The following FMNL3 variants were observed in gnomAD, a reference collection of about 807,000 sequenced individuals.
FMNL3 encodes formin like 3.
FMNL3 carries 57 observed loss-of-function variants against 119.6 expected under a neutral mutation model. The ratio of observed to expected loss-of-function variants is 0.48; its 90% CI spans 0.39 to 0.59. The LOEUF (loss-of-function observed/expected upper bound fraction) is 0.59, where lower values mean the gene tolerates loss of function less well. FMNL3 is among the 20% of genes least tolerant of loss of function. The probability of loss-of-function intolerance (pLI) is 0.00; values close to 1 mark genes in which losing one functional copy is unlikely to be tolerated. For synonymous variants in FMNL3, 491 were observed against 507.3 expected (o/e 0.97, Z 0.43); for missense variants, 1,053 against 1,323.5 (o/e 0.80, Z 3.17).
chr12:49,650,649 CCAGAGCCAGGTCAGT>C lies in FMNL3; in HGVS notation c.2000+12_2000+26del, dbSNP rs765570267. 4 of 1,611,112 alleles carry C rather than the reference CCAGAGCCAGGTCAGT, an allele frequency of 2.5e-6. No individual in the cohort carries two copies. The African/African-American group carries it at 4.0e-5, about 16-fold the overall frequency. ...AACTGGGTTGCCAACAGACTAGGGA[CCAGAGCCAGGTCAGT>C]GGGAGCCTCACGTATGAATGGCCCT... On this transcript the variant is annotated intron_variant, in intron 17 of 25. Transcript: ENST00000335154.
chr12:49,691,111 ACTAGTGTGTGATC>A (rs1743150661), intron 1 of FMNL3, among the ~76,000 whole-genome samples: 1 of 152,216 alleles, frequency 6.6e-6, no homozygotes, highest in Non-Finnish European at 1.5e-5. Flanking sequence ...TTTGCCACCT[ACTAGTGTGTGATC>A]CTAGGTGAGC....
Position 49,707,064 on chromosome 12 carries a change from G to C in FMNL3, c.117C>G (p.Ala39=). 6.3e-7 allele frequency: 1 copy of C among 1,584,864 alleles called. No homozygotes were observed. The highest frequency in any genetic ancestry group is 8.6e-7 in the Non-Finnish European group (1 of 1,166,830). The change falls in exon 1 of 26, where the codon GCC becomes GCG. Residue 39 remains alanine (A), a synonymous_variant. Coordinates refer to ENST00000335154, the MANE Select transcript of FMNL3 (RefSeq NM_175736.5). ...TGGGCTCAGCTCTCACCAGCACCAGGGCGAACCTTTCCTCCAGCTCACAGG... is the reference window on the plus strand; with the variant it reads ...TGGGCTCAGCTCTCACCAGCACCAGCGCGAACCTTTCCTCCAGCTCACAGG... ...PEPCELEERF[A]LVLSSMNLPP... is the part of the protein sequence containing the mutation.
Position 49,637,919 on chromosome 12 carries a change from T to A in FMNL3, c.*7896A>T. 1.0e-6 allele frequency: 1 copy of A among 998,446 alleles called. No homozygotes were observed. The highest frequency in any genetic ancestry group is 1.5e-6 in the Non-Finnish European group (1 of 645,798). 61.8% of individuals were successfully genotyped at this position (998,446 alleles called of 1,614,324 possible). On this transcript the variant is annotated 3_prime_UTR_variant, in exon 26 of 26. Transcript: ENST00000335154. ...GATAAGTCCTGTTTTGCAGAAGCAT[T>A]ACAGCTTGGTTCAGCAGATATCTAC...
chr12:49,671,660 C>T (rs1555221136), intron 1 of FMNL3, among the ~76,000 whole-genome samples: 2 of 152,236 alleles, frequency 1.3e-5, no homozygotes, highest in South Asian at 2.1e-4. Context: ...GGAAGCCTCT[C>T]TGCCCTTAGG....
At chr12:49,667,035 G>C (rs77180961) in intron 2 of FMNL3, among the ~76,000 whole-genome samples, 3,926 of 152,114 alleles carry the variant, frequency 0.026, 61 homozygotes, top group East Asian at 0.052. Flanking sequence ...AATACTGAAG[G>C]CTGCATTCAG....
rs1464501057 is a variant in FMNL3 at position 49,640,851 on chromosome 12, G to A, written c.*4964C>T. ...TGGTGGAAAGGATGTTCCAGGTTAG[G>A]TGAGGTGTCTGCTTGATGGAAGGAG... On this transcript the variant is annotated 3_prime_UTR_variant, in exon 26 of 26. Coordinates refer to ENST00000335154, the MANE Select transcript of FMNL3 (RefSeq NM_175736.5). 1.3e-5 allele frequency: 2 copies of A among 152,216 alleles called. No individual in the cohort carries two copies. The highest frequency in any genetic ancestry group is 4.8e-5 in the African/African-American group (2 of 41,442). 9.4% of individuals were successfully genotyped at this position (152,216 alleles called of 1,614,324 possible).
At chr12:49,690,164 T>C (rs1438623670) in intron 1 of FMNL3, among the ~76,000 whole-genome samples, 1 of 152,232 alleles carries the variant, frequency 6.6e-6, no homozygotes, top group African/African-American at 2.4e-5. Flanking sequence ...GCACTTGCTT[T>C]AATTCTCTAG....
chr12:49,679,879 C>A (rs113913416), intron 1 of FMNL3, among the ~76,000 whole-genome samples: 4 of 152,118 alleles, frequency 2.6e-5, no homozygotes, highest in Non-Finnish European at 5.9e-5. Flanking sequence ...TTTTGCCTTG[C>A]GATAACTCTT....
intron 1 of FMNL3, among the ~76,000 whole-genome samples, chr12:49,679,765 C>T (rs1592679093): frequency 6.6e-6 from 1 of 152,144 alleles, no homozygotes; most frequent in Non-Finnish European, 1.5e-5. Context: ...ACGCAATCCA[C>T]CCACTTTGAC....
intron 1 of FMNL3, among the ~76,000 whole-genome samples, chr12:49,703,159 T>C (rs892056598): frequency 1.3e-5 from 2 of 152,198 alleles, no homozygotes; most frequent in African/African-American, 4.8e-5. Context: ...ATGTCAAGTC[T>C]GTAGTAAATC....
intron 1 of FMNL3, among the ~76,000 whole-genome samples, chr12:49,677,233 A>G (rs1944214798): frequency 6.6e-6 from 1 of 152,216 alleles, no homozygotes; most frequent in Non-Finnish European, 1.5e-5. Context: ...TGTTCATGGA[A>G]TTGTGACTTA....
Position 49,645,549 on chromosome 12 carries a change from T to G in FMNL3, c.*266A>C. 2 of 441,684 alleles carry G rather than the reference T, an allele frequency of 4.5e-6. No individual in the cohort carries two copies. Among genetic ancestry groups the G allele is most frequent in the South Asian group, 4.2e-5 (1 of 24,044 alleles). The allele number at this position is 441,684 out of a possible 1,614,324, so 27.4% of individuals were successfully genotyped here. ...CTGTTTAGGCTAAGGCTGGAAATGG[T>G]TTTTCCTAGCCCTGAGCTGACCCTT... On this transcript the variant is annotated 3_prime_UTR_variant, in exon 26 of 26. Transcript: ENST00000335154.
At chr12:49,650,447 T>A (rs1310089435) in intron 17 of FMNL3, among the ~76,000 whole-genome samples, 1 of 152,240 alleles carries the variant, frequency 6.6e-6, no homozygotes, top group African/African-American at 2.4e-5. Context: ...CCTGGTGGTA[T>A]CACTCAGTGT....
At chr12:49,681,626 T>C (rs1944337450) in intron 1 of FMNL3, among the ~76,000 whole-genome samples, 1 of 152,150 alleles carries the variant, frequency 6.6e-6, no homozygotes, top group Admixed American at 6.6e-5. Context: ...GGTGCGATCA[T>C]AGCTCCCTGC....
At chr12:49,705,015 G>A (rs1157410072) in intron 1 of FMNL3, among the ~76,000 whole-genome samples, 1 of 152,154 alleles carries the variant, frequency 6.6e-6, no homozygotes, top group African/African-American at 2.4e-5. Context: ...ATGGTAGAAA[G>A]GGTACCTTTC....
chr12:49,651,795 C>T (rs1943411069), intron 14 of FMNL3, 138 bp downstream of exon 14: 1 of 1,411,284 alleles, frequency 7.1e-7, no homozygotes, highest in African/African-American at 1.5e-5. Context: ...AGGCCTCCCT[C>T]ACCCTGATTT....
intron 14 of FMNL3, 120 bp downstream of exon 14, chr12:49,651,813 C>T (rs1418094953): frequency 2.8e-6 from 4 of 1,439,866 alleles, no homozygotes; most frequent in Non-Finnish European, 1.8e-6. Flanking sequence ...TTTTATATCC[C>T]TCCAAGTCCT....
intron 21 of FMNL3, among the ~76,000 whole-genome samples, chr12:49,648,633 A>G (rs1943291490): frequency 6.6e-6 from 1 of 152,224 alleles, no homozygotes; most frequent in Non-Finnish European, 1.5e-5. Context: ...GGCCTGCCCT[A>G]GGGTTCATGG....
At chr12:49,689,424 C>CCCTTGACTTT (rs1314052683) in intron 1 of FMNL3, among the ~76,000 whole-genome samples, 1 of 152,174 alleles carries the variant, frequency 6.6e-6, no homozygotes, top group East Asian at 1.9e-4. Context: ...GCAGGAAAGT[C>CCCTTGACTTT]CCTTTTCTAA....
Sources: allele counts gnomAD v4.1 joint callset (sites outside exome capture counted in the v4.1 genomes callset), GRCh38; gene constraint gnomAD v4.1.1; transcripts MANE v1.5; gene names NCBI Gene and HGNC (gene_info 2026-07-23, HGNC 2026-07-21).